ZBTB7C: variants seen among roughly 807,000 people sequenced by gnomAD.
ZBTB7C encodes zinc finger and BTB domain containing 7C, also known as zinc finger and BTB domain-containing protein 7C.
Under a neutral mutation model 25.7 loss-of-function variants are expected in ZBTB7C, and 8 were observed. That is an observed-to-expected ratio of 0.31 (90% CI 0.18 to 0.56). The LOEUF is 0.56. ZBTB7C is among the 20% of genes least tolerant of loss of function. The probability of loss-of-function intolerance (pLI) is 0.91; values close to 1 mark genes in which losing one functional copy is unlikely to be tolerated. For missense variants in ZBTB7C, 824 were observed against 855.2 expected, an observed-to-expected ratio of 0.96 and a Z score of 0.46; for synonymous variants, 394 against 369.0, an observed-to-expected ratio of 1.07 and a Z score of -0.78.
chr18:48,192,265 T>C (rs1301393959), intron 2 of ZBTB7C, among the ~76,000 whole-genome samples: 5 of 152,112 alleles, frequency 3.3e-5, no homozygotes, highest in Admixed American at 6.5e-5. Context: ...AAGGCACGAC[T>C]ATGGAAACAG....
intron 3 of ZBTB7C, among the ~76,000 whole-genome samples, chr18:48,161,333 C>G (rs1010565756): frequency 3.3e-5 from 5 of 151,460 alleles, no homozygotes; most frequent in African/African-American, 1.2e-4. Context: ...TTTGGCTAAC[C>G]GATCCCTTGG....
intron 3 of ZBTB7C, among the ~76,000 whole-genome samples, chr18:48,170,808 C>CCTCTGCACCTGTCCG (rs1304813462): frequency 6.6e-6 from 1 of 152,138 alleles, no homozygotes; most frequent in East Asian, 1.9e-4. Context: ...GCACCTGTCC[C>CCTCTGCACCTGTCCG]CTCTGCACTG....
intron 3 of ZBTB7C, among the ~76,000 whole-genome samples, chr18:48,110,151 C>A (rs1274377944): frequency 1.3e-5 from 2 of 152,224 alleles, no homozygotes; most frequent in African/African-American, 4.8e-5. Context: ...TGTGCCCAGA[C>A]AAGGCACAGT....
intron 3 of ZBTB7C, among the ~76,000 whole-genome samples, chr18:48,048,598 A>C (rs1401872240): frequency 6.6e-6 from 1 of 152,230 alleles, no homozygotes; most frequent in Non-Finnish European, 1.5e-5. Flanking sequence ...GAGGTAATGC[A>C]CACAAATTGC....
At chr18:48,248,933 A>G (rs1599186104) in intron 2 of ZBTB7C, among the ~76,000 whole-genome samples, 1 of 152,240 alleles carries the variant, frequency 6.6e-6, no homozygotes, top group Admixed American at 6.5e-5. Context: ...TATCACCTAC[A>G]AAGAGTGCAT....
chr18:48,204,425 C>T (rs1435177726), intron 2 of ZBTB7C, among the ~76,000 whole-genome samples: 4 of 152,146 alleles, frequency 2.6e-5, no homozygotes, highest in Admixed American at 2.6e-4. Flanking sequence ...CCAGGTGGAA[C>T]TGGAGAGGAT....
intron 3 of ZBTB7C, among the ~76,000 whole-genome samples, chr18:48,094,402 T>C (rs1305909244): frequency 6.6e-6 from 1 of 152,196 alleles, no homozygotes; most frequent in Admixed American, 6.5e-5. Flanking sequence ...CTATGTGTCT[T>C]AGGGAAAGTA....
At chr18:48,343,864 A>G (rs982398030) in intron 1 of ZBTB7C, among the ~76,000 whole-genome samples, 1 of 151,962 alleles carries the variant, frequency 6.6e-6, no homozygotes, top group African/African-American at 2.4e-5. Context: ...CCACTGGCCT[A>G]TCCCCTTCCC....
chr18:48,360,983 T>TGTGTTTCTGTTCTGAGG (rs2047092031), intron 1 of ZBTB7C, among the ~76,000 whole-genome samples: 2 of 151,548 alleles, frequency 1.3e-5, no homozygotes, highest in Non-Finnish European at 2.9e-5. Context: ...GTATGATGAG[T>TGTGTTTCTGTTCTGAGG]GTGTTTCTGT....
chr18:48,270,598 G>A (rs774352800), intron 2 of ZBTB7C, among the ~76,000 whole-genome samples: 9 of 149,662 alleles, frequency 6.0e-5, no homozygotes, highest in East Asian at 2.0e-4. Flanking sequence ...GCTGAGGCAC[G>A]AGAATCATTT....
intron 2 of ZBTB7C, among the ~76,000 whole-genome samples, chr18:48,333,122 G>A (rs768130324): frequency 2.6e-5 from 4 of 151,992 alleles, no homozygotes; most frequent in Admixed American, 6.6e-5. Flanking sequence ...AAATACAAAT[G>A]TATTTGTTTT....
At chr18:48,361,776 G>A (rs1017865671) in intron 1 of ZBTB7C, among the ~76,000 whole-genome samples, 4 of 152,234 alleles carry the variant, frequency 2.6e-5, no homozygotes, top group Admixed American at 2.6e-4. Context: ...GCATTCGGCT[G>A]CTCAGAGAGG....
intron 2 of ZBTB7C, among the ~76,000 whole-genome samples, chr18:48,336,255 C>A (rs577908731): frequency 6.6e-6 from 1 of 152,184 alleles, no homozygotes; most frequent in East Asian, 1.9e-4. Context: ...AGGCCCCCAA[C>A]CCTGTTAGCA....
chr18:48,377,397 G>C (rs2047544897), intron 1 of ZBTB7C, among the ~76,000 whole-genome samples: 1 of 152,176 alleles, frequency 6.6e-6, no homozygotes, highest in Admixed American at 6.5e-5. Context: ...AGTTAACTCT[G>C]CTTGGGGAAG....
At chr18:48,103,130 A>ATCTATCTATCTATCTG (rs1555692182) in intron 3 of ZBTB7C, among the ~76,000 whole-genome samples, 258 of 140,772 alleles carry the variant, frequency 1.8e-3, no homozygotes, top group African/African-American at 6.2e-3. Context: ...CTATCTATCT[A>ATCTATCTATCTATCTG]TCTATCTATC....
intron 3 of ZBTB7C, among the ~76,000 whole-genome samples, chr18:48,115,211 G>A (rs2039388254): frequency 6.6e-6 from 1 of 151,688 alleles, no homozygotes; most frequent in Non-Finnish European, 1.5e-5. Context: ...CTTAGTACAG[G>A]GTTTTCAAGG....
rs148093158 is a variant in ZBTB7C, at chr18:48,040,440, C to T, written c.668G>A (p.Arg223Gln). 2.5e-3 allele frequency: 3,968 copies of T among 1,607,354 alleles called. 8 individuals are homozygous for T. The highest frequency in any genetic ancestry group is 3.6e-3 in the Admixed American group (217 of 59,532). ...TAGCAGAGATTCGATGGAGAAGTCC[C>T]GGATCACCCCCAGATGGCCAGGACT... ...AGSPGHLGVI[R>Q]DFSIESLLRE... Residue 223 changes from arginine (R) to glutamine (Q), a missense_variant, in exon 4 of 5, where the codon CGG becomes CAG. Physicochemically the swap from Arg to Gln is conservative, Grantham distance 43. Transcript: ENST00000590800.
chr18:48,399,833 G>A (rs993978631), intron 1 of ZBTB7C, among the ~76,000 whole-genome samples: 1 of 152,158 alleles, frequency 6.6e-6, no homozygotes, highest in South Asian at 2.1e-4. Context: ...CAACAGTGCC[G>A]CTGACTTCAG....
At chr18:48,203,528 C>G (rs2042506613) in intron 2 of ZBTB7C, 2 of 152,234 alleles carry the variant, frequency 1.3e-5, no homozygotes, top group South Asian at 4.1e-4. Context: ...GATCCTAGAC[C>G]CATATTCCAG....
Sources: allele counts gnomAD v4.1 joint callset (sites outside exome capture counted in the v4.1 genomes callset), GRCh38; gene constraint gnomAD v4.1.1; transcripts MANE v1.5; gene names NCBI Gene and HGNC (gene_info 2026-07-23, HGNC 2026-07-21).